TMEM71: variants seen among roughly 807,000 people sequenced by gnomAD.
TMEM71 encodes the protein transmembrane protein 71.
TMEM71 carries 44 observed loss-of-function variants against 38.0 expected under a neutral mutation model. The ratio of observed to expected loss-of-function variants is 1.16; its 90% confidence interval spans 0.91 to 1.49. The LOEUF is 1.49. Among genes scored for constraint, TMEM71 ranks in the 40% most tolerant of loss-of-function variants. The pLI is 0.00. For synonymous variants in TMEM71, 133 were observed against 122.5 expected, an observed-to-expected ratio of 1.09 and a Z score of -0.56; for missense variants, 367 against 348.6, an observed-to-expected ratio of 1.05 and a Z score of -0.42.
At chr8:132,721,589 A>G (rs966899233) in intron 7 of TMEM71, among the ~76,000 whole-genome samples, 1 of 142,430 alleles carries the variant, frequency 7.0e-6, no homozygotes, top group African/African-American at 2.6e-5. Flanking sequence ...TCTTGTTGCC[A>G]AGGCTGGAGT....
chr8:132,744,747 G>A (rs558184628), intron 5 of TMEM71, among the ~76,000 whole-genome samples: 1 of 152,182 alleles, frequency 6.6e-6, no homozygotes, highest in South Asian at 2.1e-4. Flanking sequence ...AAAGAACAAA[G>A]CCAGAGGCAT....
intron 5 of TMEM71, among the ~76,000 whole-genome samples, chr8:132,738,149 G>A (rs1827847694): frequency 1.3e-5 from 1 of 77,978 alleles, no homozygotes; most frequent in Non-Finnish European, 3.3e-5. Context: ...CATTCTATAT[G>A]CTATTTTTTT....
At chr8:132,707,937 T>C (rs531207005), downstream of TMEM71, among the ~76,000 whole-genome samples, 2 of 152,176 alleles carry the variant, frequency 1.3e-5, no homozygotes, top group Admixed American at 6.5e-5. Context: ...ACCGTCATAC[T>C]CCCAGGGGCT....
At chr8:132,734,371 A>T (rs112844768) in intron 5 of TMEM71, among the ~76,000 whole-genome samples, 96 of 152,312 alleles carry the variant, frequency 6.3e-4, no homozygotes, top group African/African-American at 2.2e-3. Context: ...AGAGGAGGCT[A>T]GCTGATCAAA....
chr8:132,725,536 A>T (rs776182279), intron 6 of TMEM71, among the ~76,000 whole-genome samples: 1 of 152,218 alleles, frequency 6.6e-6, no homozygotes, highest in Non-Finnish European at 1.5e-5. Flanking sequence ...GTTTCCATCC[A>T]TTGGAACTCA....
At chr8:132,713,101 T>C (rs1826321537) in intron 9 of TMEM71, among the ~76,000 whole-genome samples, 1 of 151,848 alleles carries the variant, frequency 6.6e-6, no homozygotes, top group Non-Finnish European at 1.5e-5. Context: ...TGCCTCAGCT[T>C]CCCAAAGTGC....
intron 4 of TMEM71, among the ~76,000 whole-genome samples, chr8:132,750,809 A>C (rs1296789136): frequency 6.6e-6 from 1 of 152,134 alleles, no homozygotes; most frequent in Non-Finnish European, 1.5e-5. Flanking sequence ...AAATTGTCCT[A>C]CCATACATCC....
At chr8:132,772,891 T>C in the TMEM71 span, among the ~76,000 whole-genome samples, 2 of 152,296 alleles carry the variant, frequency 1.3e-5, no homozygotes, top group South Asian at 4.1e-4. Context: ...CCTCAAATAC[T>C]ATGAGTAATT....
downstream of TMEM71, among the ~76,000 whole-genome samples, chr8:132,705,995 G>T (rs1212330980): frequency 1.3e-5 from 2 of 152,064 alleles, no homozygotes; most frequent in Non-Finnish European, 2.9e-5. Context: ...TTATGATAAT[G>T]GGTCCTCCAT....
At chr8:132,768,291 C>G in the TMEM71 span, among the ~76,000 whole-genome samples, 269 of 152,198 alleles carry the variant, frequency 1.8e-3, 3 homozygotes, top group African/African-American at 6.1e-3. Context: ...TTTTCTTATA[C>G]TTGGTGTTCT....
chr8:132,712,137 A>T (rs1194121901), intron 9 of TMEM71, among the ~76,000 whole-genome samples: 1 of 152,186 alleles, frequency 6.6e-6, no homozygotes, highest in African/African-American at 2.4e-5. Context: ...GGTTGTAGAT[A>T]CAAAAATGAA....
chr8:132,770,190 T>C, the TMEM71 span, among the ~76,000 whole-genome samples: 1 of 152,224 alleles, frequency 6.6e-6, no homozygotes, highest in East Asian at 1.9e-4. Context: ...TTGGCTTGGT[T>C]TTCTAACTTT....
chr8:132,745,982 T>G (rs968738366), intron 5 of TMEM71, among the ~76,000 whole-genome samples: 2 of 146,200 alleles, frequency 1.4e-5, no homozygotes, highest in Non-Finnish European at 3.0e-5. Flanking sequence ...TTCATGAATA[T>G]AAAGATGGCA....
Position 132,710,603 on chromosome 8 carries a change from TG to T in TMEM71, c.*363del. On this transcript the variant is annotated 3_prime_UTR_variant, in exon 10 of 10. Transcript: ENST00000677595. ...GGTGCATGTGGCAGACCCAGAAATC[TG>T]GTTACAAGCTCCTCACAGAATTTCC... 1 of 461,950 alleles carries T rather than the reference TG, an allele frequency of 2.2e-6. No individual in the cohort carries two copies. 28.6% of individuals were successfully genotyped at this position (461,950 alleles called of 1,614,324 possible). A position where few individuals can be genotyped will look rare whatever the true frequency, so the allele number is the denominator to read the frequency against.
upstream of TMEM71, among the ~76,000 whole-genome samples, chr8:132,765,530 A>G (rs1829353436): frequency 6.6e-6 from 1 of 152,072 alleles, no homozygotes; most frequent in Non-Finnish European, 1.5e-5. Flanking sequence ...CGTGTTCCAG[A>G]TGGTTCTTTG....
chr8:132,730,772 G>T (rs543150770), intron 5 of TMEM71, among the ~76,000 whole-genome samples: 1 of 152,104 alleles, frequency 6.6e-6, no homozygotes, highest in East Asian at 1.9e-4. Context: ...TATGAATATC[G>T]ACTGGGCAAA....
chr8:132,730,546 C>T (rs1298867553), intron 5 of TMEM71, among the ~76,000 whole-genome samples: 2 of 152,070 alleles, frequency 1.3e-5, no homozygotes, highest in African/African-American at 4.8e-5. Context: ...AGGATGTTAC[C>T]GTCTGGCTTT....
intron 5 of TMEM71, 127 bp downstream of exon 5, chr8:132,746,815 A>G (rs1828413098): frequency 1.5e-6 from 1 of 686,878 alleles, no homozygotes. Flanking sequence ...GTGAATTTTA[A>G]AAATGTGGCC....
chr8:132,708,636 A>T (rs28707736), downstream of TMEM71, among the ~76,000 whole-genome samples: 3 of 152,110 alleles, frequency 2.0e-5, no homozygotes, highest in East Asian at 5.8e-4. Flanking sequence ...CCTGGAAGAT[A>T]TCTGCATTCC....
Sources: gnomAD v4.1 joint callset for allele counts (sites outside exome capture counted in the v4.1 genomes callset) on GRCh38, gnomAD v4.1.1 for gene constraint, MANE v1.5 for transcripts, NCBI Gene and HGNC (gene_info 2026-07-23, HGNC 2026-07-21) for gene names.